EPB41L2: variants seen among roughly 807,000 people sequenced by gnomAD.
EPB41L2 encodes band 4.1-like protein 2.
EPB41L2 carries 43 observed loss-of-function variants against 113.0 expected under a neutral mutation model. The observed-to-expected ratio is 0.38, with a 90% confidence interval of 0.30 to 0.49. The LOEUF (loss-of-function observed/expected upper bound fraction) is 0.49, where lower values mean the gene tolerates loss of function less well. EPB41L2 is among the 20% of genes least tolerant of loss of function. The pLI is 0.95. For synonymous variants in EPB41L2, 442 were observed against 436.7 expected (o/e 1.01, Z -0.15); for missense variants, 1,147 against 1,223.4 (o/e 0.94, Z 0.93).
intron 1 of EPB41L2, 56 bp from the exon 2 acceptor site, chr6:130,956,555 TTTGG>T (rs1817509087): frequency 9.3e-6 from 14 of 1,504,992 alleles, no homozygotes; most frequent in Non-Finnish European, 1.2e-5. Flanking sequence ...TCAAATTTAG[TTTGG>T]TTGCGAGGGG....
chr6:131,032,260 T>A (rs1393274947), intron 1 of EPB41L2, among the ~76,000 whole-genome samples: 1 of 152,158 alleles, frequency 6.6e-6, no homozygotes, highest in Admixed American at 6.5e-5. Context: ...AAGGGTTTCA[T>A]CCTTCCTTCA....
intron 4 of EPB41L2, among the ~76,000 whole-genome samples, chr6:130,920,132 G>A (rs567962250): frequency 6.6e-6 from 1 of 152,178 alleles, no homozygotes; most frequent in African/African-American, 2.4e-5. Flanking sequence ...TTTTCTCATA[G>A]CTAAAGTCAA....
intron 19 of EPB41L2, among the ~76,000 whole-genome samples, chr6:130,853,006 G>A (rs546490996): frequency 2.0e-5 from 3 of 152,236 alleles, no homozygotes; most frequent in Admixed American, 1.3e-4. Context: ...CCCATTACAC[G>A]AGGTTCAGAA....
chr6:130,885,278 A>G lies in EPB41L2; in HGVS notation c.1661-10T>C, dbSNP rs1052526748. 2 of 1,613,884 alleles carry G rather than the reference A, an allele frequency of 1.2e-6. No individual in the cohort carries two copies. Among genetic ancestry groups the G allele is most frequent in the Admixed American group, 1.7e-5 (1 of 59,986 alleles). On this transcript the variant is annotated splice_polypyrimidine_tract_variant and intron_variant, in intron 11 of 19. Transcript: ENST00000337057. ...ATGACACCAATCGGAGCTAGTAAAG[A>G]GTGACAATTTTGGATTATTTTAGGA...
chr6:130,967,404 T>C (rs1306134277), intron 1 of EPB41L2, among the ~76,000 whole-genome samples: 1 of 152,226 alleles, frequency 6.6e-6, no homozygotes, highest in Non-Finnish European at 1.5e-5. Flanking sequence ...TATCCTTTTT[T>C]CCTCAGTGTG....
At chr6:131,031,331 A>G (rs1554345067) in intron 1 of EPB41L2, among the ~76,000 whole-genome samples, 3 of 152,186 alleles carry the variant, frequency 2.0e-5, no homozygotes, top group Non-Finnish European at 1.5e-5. Flanking sequence ...AGAGTAAGCT[A>G]TAAGTGATAA....
At chr6:131,008,204 G>A (rs1786047955) in intron 1 of EPB41L2, among the ~76,000 whole-genome samples, 1 of 152,238 alleles carries the variant, frequency 6.6e-6, no homozygotes, top group African/African-American at 2.4e-5. Flanking sequence ...CTGGACATGT[G>A]CCCTGCATCC....
At chr6:130,958,112 G>A (rs1413255155) in intron 1 of EPB41L2, among the ~76,000 whole-genome samples, 5 of 152,238 alleles carry the variant, frequency 3.3e-5, no homozygotes, top group African/African-American at 1.2e-4. Flanking sequence ...AAGGGAGTGA[G>A]GGCTACAAAT....
intron 3 of EPB41L2, among the ~76,000 whole-genome samples, chr6:130,933,274 A>C (rs1213530756): frequency 6.6e-6 from 1 of 152,228 alleles, no homozygotes; most frequent in Non-Finnish European, 1.5e-5. Context: ...AATCCGAGTC[A>C]ATCTCTATTC....
chr6:131,038,679 T>C (rs1402400572), intron 1 of EPB41L2, among the ~76,000 whole-genome samples: 1 of 152,212 alleles, frequency 6.6e-6, no homozygotes, highest in African/African-American at 2.4e-5. Context: ...TCCATAATAC[T>C]TCTTTCATTC....
chr6:130,956,154 A>G lies in EPB41L2; in HGVS notation c.332T>C (p.Val111Ala), dbSNP rs1817365079. The change falls in exon 2 of 20, where the codon GTC becomes GCC. Residue 111 changes from valine to alanine, a missense_variant. Transcript: ENST00000337057. The stretch of plus-strand genomic sequence containing the variant: ...TGGAAGGGGTTCCTCTTTATCTAAG[A>G]CCTGTTCTTCAACAACAGCTTGGGT... The part of the protein sequence containing the change: ...EPTQAVVEEQ[V>A]LDKEEPLPEE... The G allele has an allele frequency of 6.2e-7, 1 of 1,614,016 alleles. No homozygotes were observed.
intron 14 of EPB41L2, among the ~76,000 whole-genome samples, chr6:130,871,932 C>T (rs1231665776): frequency 6.6e-6 from 1 of 152,138 alleles, no homozygotes; most frequent in Non-Finnish European, 1.5e-5. Flanking sequence ...TCAGGGAATT[C>T]CTTAGGGTCA....
At chr6:130,878,943 G>C (rs540258857) in intron 13 of EPB41L2, among the ~76,000 whole-genome samples, 1 of 152,074 alleles carries the variant, frequency 6.6e-6, no homozygotes, top group Non-Finnish European at 1.5e-5. Flanking sequence ...ACAAAAGTGG[G>C]GTCTAGCCTC....
chr6:130,871,461 G>T (rs1168277772), intron 14 of EPB41L2, among the ~76,000 whole-genome samples: 1 of 152,106 alleles, frequency 6.6e-6, no homozygotes, highest in Non-Finnish European at 1.5e-5. Context: ...AGCTGCCAAG[G>T]TACTAACTGG....
chr6:130,865,997 G>A (rs1411346630), intron 16 of EPB41L2, among the ~76,000 whole-genome samples: 1 of 152,200 alleles, frequency 6.6e-6, no homozygotes, highest in Non-Finnish European at 1.5e-5. Context: ...GAAGCGCTGA[G>A]TTTGTTGTTT....
At chr6:130,988,113 C>T (rs886497493) in intron 1 of EPB41L2, among the ~76,000 whole-genome samples, 1 of 148,950 alleles carries the variant, frequency 6.7e-6, no homozygotes, top group Non-Finnish European at 1.5e-5. Context: ...AAGACCCTGT[C>T]TCAAAAATAA....
At chr6:130,921,007 C>T (rs1324317061) in intron 4 of EPB41L2, among the ~76,000 whole-genome samples, 1 of 152,168 alleles carries the variant, frequency 6.6e-6, no homozygotes, top group Admixed American at 6.5e-5. Flanking sequence ...AGCTACCCAA[C>T]CCTGAAACCT....
At chr6:130,896,463 G>A (rs1167730745) in intron 8 of EPB41L2, among the ~76,000 whole-genome samples, 1 of 152,216 alleles carries the variant, frequency 6.6e-6, no homozygotes, top group African/African-American at 2.4e-5. Context: ...CAAGGCAGAA[G>A]ATTGCCCGAG....
chr6:131,038,042 T>A (rs916113677), intron 1 of EPB41L2, among the ~76,000 whole-genome samples: 21 of 152,320 alleles, frequency 1.4e-4, no homozygotes, highest in African/African-American at 4.6e-4. Context: ...ATAAACAGTA[T>A]CAATAAACAC....
Sources: allele counts gnomAD v4.1 joint callset (sites outside exome capture counted in the v4.1 genomes callset), GRCh38; gene constraint gnomAD v4.1.1; transcripts MANE v1.5; gene names NCBI Gene and HGNC (gene_info 2026-07-23, HGNC 2026-07-21).